RNF32: variants seen among roughly 807,000 people sequenced by gnomAD.
The protein encoded by RNF32 is ring finger protein 32.
RNF32 carries 36 observed loss-of-function variants against 41.0 expected under a neutral mutation model. The ratio of observed to expected loss-of-function variants is 0.88; its 90% CI spans 0.67 to 1.16. The LOEUF (loss-of-function observed/expected upper bound fraction) is 1.16. Ranked by LOEUF, RNF32 falls within the 50% of genes most tolerant of loss-of-function variation. The pLI is 0.00. For synonymous variants in RNF32, 154 were observed against 160.9 expected (o/e 0.96, Z 0.32); for missense variants, 413 against 436.7 (o/e 0.95, Z 0.48).
At chr7:156,675,962 G>A (rs2365513) in intron 8 of RNF32, 99 bp downstream of exon 8, 427,913 of 1,204,654 alleles carry the variant, frequency 0.36, 88,126 homozygotes, top group African/African-American at 0.58. Flanking sequence ...TCACTTTGGG[G>A]AGCCTAGGAG....
At chr7:156,674,713 G>A (rs947540116) in intron 7 of RNF32, among the ~76,000 whole-genome samples, 14 of 152,152 alleles carry the variant, frequency 9.2e-5, no homozygotes, top group African/African-American at 2.4e-5. Context: ...ACAAAGTACT[G>A]TATTCAATTA....
At chr7:156,658,653 A>T (rs1372436949) in intron 7 of RNF32, 83 bp downstream of exon 7, 1 of 923,082 alleles carries the variant, frequency 1.1e-6, no homozygotes, top group East Asian at 2.5e-5. Flanking sequence ...CAGAGGTGGT[A>T]AAACTTTGAG....
At chr7:156,663,097 G>A (rs1247583993) in intron 7 of RNF32, among the ~76,000 whole-genome samples, 4 of 152,058 alleles carry the variant, frequency 2.6e-5, no homozygotes, top group Middle Eastern at 3.2e-3. Context: ...GCCTCCCAAA[G>A]TGCTGGGATT....
chr7:156,663,562 T>C (rs1046482201), intron 7 of RNF32, among the ~76,000 whole-genome samples: 1 of 152,074 alleles, frequency 6.6e-6, no homozygotes, highest in Non-Finnish European at 1.5e-5. Context: ...CCCAAAGGAG[T>C]AGGATTGGCT....
intron 6 of RNF32, 97 bp from the exon 7 acceptor site, chr7:156,658,365 C>A: frequency 6.5e-7 from 1 of 1,542,812 alleles, no homozygotes; most frequent in Non-Finnish European, 8.9e-7. Flanking sequence ...ATAATTTCCC[C>A]AGGGCCTTGT....
intron 7 of RNF32, chr7:156,658,869 G>T: frequency 6.5e-7 from 1 of 1,545,040 alleles, no homozygotes; most frequent in South Asian, 1.2e-5. Context: ...TCAGACACAA[G>T]ACTGGAAACC....
At chr7:156,676,200 C>T in intron 8 of RNF32, 1 of 1,437,796 alleles carries the variant, frequency 7.0e-7, no homozygotes. Context: ...AGGTGGGTTA[C>T]TAACCCTTTC....
At chr7:156,642,154 A>G (rs908329826) in intron 1 of RNF32, among the ~76,000 whole-genome samples, 1 of 152,358 alleles carries the variant, frequency 6.6e-6, no homozygotes, top group South Asian at 2.1e-4. Context: ...TCTTCACTTA[A>G]CATCATCCAT....
At chr7:156,658,683 C>A in intron 7 of RNF32, 113 bp downstream of exon 7, 1 of 821,266 alleles carries the variant, frequency 1.2e-6, no homozygotes, top group Non-Finnish European at 2.0e-6. Flanking sequence ...ACTTTGAGGG[C>A]TTTTTAAAAA....
chr7:156,670,549 C>G lies in RNF32; in HGVS notation c.685-5147C>G, dbSNP rs1203443198. ...ACAGATTTAAGAAGCCCAAGGAAGC[C>G]CAATATGATTTTGTTTTAAGTGTCT... is the stretch of plus-strand genomic sequence containing the variant. On this transcript the variant is annotated intron_variant, in intron 7 of 8. Coordinates refer to ENST00000317955, the MANE Select transcript of RNF32 (RefSeq NM_030936.4). This position sits in a 1 kb window ranked among gnomAD's most constrained non-coding sequence, Gnocchi z 4.3. 6.6e-6 allele frequency among the ~76,000 whole-genome samples: 1 copy of G among 152,094 alleles called. No individual in the cohort carries two copies. The highest frequency in any genetic ancestry group is 2.4e-5 in the African/African-American group (1 of 41,396).
intron 3 of RNF32, among the ~76,000 whole-genome samples, chr7:156,651,415 T>C (rs1207334500): frequency 1.3e-5 from 2 of 152,064 alleles, no homozygotes; most frequent in East Asian, 1.9e-4. Flanking sequence ...GGTTTCACCA[T>C]GTTGGCCAGG....
chr7:156,645,247 A>G (rs1282899756), intron 3 of RNF32, among the ~76,000 whole-genome samples: 1 of 152,188 alleles, frequency 6.6e-6, no homozygotes, highest in African/African-American at 2.4e-5. Context: ...TAACTTCACA[A>G]TTACTTCAGC....
In RNF32 at chr7:156,643,921, G is replaced by A. The variant is rs745376307; in HGVS notation, c.15+29G>A. 7.0e-6 allele frequency: 11 copies of A among 1,575,202 alleles called. No individual in the cohort carries two copies. In the African/African-American group the frequency reaches 8.1e-5, roughly 12 times the overall value. The stretch of plus-strand genomic sequence containing the variant: ...CGCTATTCTTTTCTTAAACATACAC[G>A]TTATTTGACTCATGAAATGTATTTT... On this transcript the variant is annotated intron_variant, in intron 2 of 8. Coordinates refer to ENST00000317955, the MANE Select transcript of RNF32 (RefSeq NM_030936.4).
chr7:156,658,966 A>G lies in RNF32; in HGVS notation c.684+396A>G, dbSNP rs1800172702. 4 of 1,516,090 alleles carry G rather than the reference A, an allele frequency of 2.6e-6. No individual in the cohort carries two copies. The African/African-American group carries it at 5.6e-5, about 21-fold the overall frequency. The allele number at this position is 1,516,090 out of a possible 1,614,324, so 93.9% of individuals were successfully genotyped here. A position where few individuals can be genotyped will look rare whatever the true frequency, so the allele number is the denominator to read the frequency against. On this transcript the variant is annotated intron_variant, in intron 7 of 8. Transcript: ENST00000317955. ...AGTAATGAAAATAGAAGCTGCCTAT[A>G]AAAATAAAGCCCCCACATGCTACCA...
In RNF32 at chr7:156,669,233, G is replaced by A. The variant is rs1801900435; in HGVS notation, c.685-6463G>A. On this transcript the variant is annotated intron_variant, in intron 7 of 8. Coordinates refer to ENST00000317955, the MANE Select transcript of RNF32 (RefSeq NM_030936.4). This position sits in a 1 kb window ranked among gnomAD's most constrained non-coding sequence, Gnocchi z 4.2. Reference sequence around the variant, plus strand: ...AGCCGGCGTGCCTGTCTAGGTGCATGTGGAGGCCGCTCGGGTGGTTCGCGC... The same window carrying A: ...AGCCGGCGTGCCTGTCTAGGTGCATATGGAGGCCGCTCGGGTGGTTCGCGC... 6.6e-6 allele frequency: 1 copy of A among 152,284 alleles called. No individual in the cohort carries two copies. Among genetic ancestry groups the A allele is most frequent in the Non-Finnish European group, 1.5e-5 (1 of 68,090 alleles). 9.4% of individuals were successfully genotyped at this position (152,284 alleles called of 1,614,324 possible). A position where few individuals can be genotyped will look rare whatever the true frequency, so the allele number is the denominator to read the frequency against.
intron 3 of RNF32, among the ~76,000 whole-genome samples, chr7:156,653,802 T>A (rs78226204): frequency 0.012 from 1,879 of 152,320 alleles, 35 homozygotes; most frequent in African/African-American, 0.042. Context: ...CTGACCGTGA[T>A]GATACGTCAT....
intron 3 of RNF32, among the ~76,000 whole-genome samples, chr7:156,649,511 A>G (rs763391436): frequency 2.0e-5 from 3 of 151,092 alleles, no homozygotes; most frequent in Non-Finnish European, 4.4e-5. Context: ...TCATTTACTT[A>G]CTTATGTGAT....
In RNF32 at chr7:156,643,900, ATTC is replaced by A; in HGVS notation, c.15+11_15+13del. On this transcript the variant is annotated intron_variant, in intron 2 of 8. Transcript: ENST00000317955. ...GGCATGTTAAAAAATAAGGTACGCT[ATTC>A]TTTTCTTAAACATACACGTTATTTG... 1 of 1,609,138 alleles carries A rather than the reference ATTC, an allele frequency of 6.2e-7. No individual in the cohort carries two copies. Among genetic ancestry groups the A allele is most frequent in the Non-Finnish European group, 8.5e-7 (1 of 1,175,636 alleles).
At chr7:156,668,094 A>G (rs563498649) in intron 7 of RNF32, among the ~76,000 whole-genome samples, 1 of 152,318 alleles carries the variant, frequency 6.6e-6, no homozygotes, top group South Asian at 2.1e-4. Flanking sequence ...AATTTCTTGA[A>G]TGCTAAGGGC....
Sources: allele counts gnomAD v4.1 joint callset (sites outside exome capture counted in the v4.1 genomes callset), GRCh38; gene constraint gnomAD v4.1.1; non-coding constraint Gnocchi (gnomAD v3.1); transcripts MANE v1.5; gene names NCBI Gene and HGNC (gene_info 2026-07-23, HGNC 2026-07-21).